The following MFSD11 variants were observed in gnomAD, a reference collection of about 807,000 sequenced individuals.
MFSD11 encodes the protein UNC93-like protein MFSD11.
A neutral mutation model predicts 53.5 loss-of-function variants in MFSD11; 36 were observed. That is an observed-to-expected ratio of 0.67 (90% CI 0.52 to 0.89). The LOEUF is 0.89. Ranked by LOEUF, MFSD11 falls within the 40% of genes least tolerant of loss-of-function variation. The probability of loss-of-function intolerance (pLI) is 0.00; values close to 1 mark genes in which losing one functional copy is unlikely to be tolerated. For synonymous variants in MFSD11, 186 were observed against 184.9 expected (o/e 1.01, Z -0.05); for missense variants, 530 against 543.9 (o/e 0.97, Z 0.25).
At chr17:76,760,048 A>G (rs2080059437) in intron 8 of MFSD11, among the ~76,000 whole-genome samples, 1 of 151,034 alleles carries the variant, frequency 6.6e-6, no homozygotes, top group South Asian at 2.1e-4. Context: ...CTGGCAGATC[A>G]CCTAAGGTCA....
downstream of MFSD11, among the ~76,000 whole-genome samples, chr17:76,779,903 A>C (rs994797430): frequency 2.0e-5 from 3 of 152,070 alleles, no homozygotes. Context: ...CAATGCAGAA[A>C]CCCCCAAACA....
At chr17:76,775,203 A>C in intron 11 of MFSD11, 32 bp downstream of exon 11, 1 of 1,605,260 alleles carries the variant, frequency 6.2e-7, no homozygotes, top group Non-Finnish European at 8.5e-7. Flanking sequence ...TAGTCGCTTG[A>C]GTACGGGTGG....
intron 8 of MFSD11, among the ~76,000 whole-genome samples, chr17:76,756,724 G>C (rs903624020): frequency 2.0e-5 from 3 of 152,092 alleles, no homozygotes; most frequent in Non-Finnish European, 4.4e-5. Flanking sequence ...GCCAGGCATG[G>C]TGGCGGATGC....
At chr17:76,770,855 C>T (rs990552011) in intron 10 of MFSD11, among the ~76,000 whole-genome samples, 2 of 152,212 alleles carry the variant, frequency 1.3e-5, no homozygotes, top group Non-Finnish European at 2.9e-5. Context: ...CTCACCACTC[C>T]AGAAGCTCCT....
chr17:76,792,487 G>A, the MFSD11 span, among the ~76,000 whole-genome samples: 31 of 149,254 alleles, frequency 2.1e-4, no homozygotes, highest in Admixed American at 2.1e-3. Context: ...CATGTTACAA[G>A]TAATTATCAA....
rs1199817834 is a variant in MFSD11 at position 76,738,424 on chromosome 17, C to T, written c.72C>T (p.Ala24=). The change falls in exon 1 of 13, where the codon GCC becomes GCT. Residue 24 remains alanine, a synonymous_variant. Coordinates refer to ENST00000685175, the MANE Select transcript of MFSD11 (RefSeq NM_001242532.5). ...TTGCCTTTATGTTTATGTTCACTGC[C>T]TTTCAAACTTGTGGAAATGTGGCGG... The part of the protein sequence containing the change: ...LGVAFMFMFT[A]FQTCGNVAQT... 3 of 1,613,896 alleles carry T rather than the reference C, an allele frequency of 1.9e-6. No homozygotes were observed. The highest frequency in any genetic ancestry group is 2.5e-6 in the Non-Finnish European group (3 of 1,179,764).
At chr17:76,777,881 G>C (rs1241031547) in intron 12 of MFSD11, among the ~76,000 whole-genome samples, 2 of 152,150 alleles carry the variant, frequency 1.3e-5, no homozygotes, top group African/African-American at 4.8e-5. Flanking sequence ...GTCTTGCTAT[G>C]TTGTGCAGGC....
At chr17:76,801,842 G>T in the MFSD11 span, among the ~76,000 whole-genome samples, 2 of 152,084 alleles carry the variant, frequency 1.3e-5, no homozygotes, top group Non-Finnish European at 2.9e-5. Context: ...CTTGTATCTT[G>T]TGATACCAGT....
downstream of MFSD11, among the ~76,000 whole-genome samples, chr17:76,783,271 G>A (rs2082216889): frequency 6.6e-6 from 1 of 152,066 alleles, no homozygotes; most frequent in African/African-American, 2.4e-5. Flanking sequence ...GCTGTAGCTG[G>A]GTCTCCCATG....
chr17:76,743,834 CA>C (rs1214306309), intron 6 of MFSD11, among the ~76,000 whole-genome samples: 1 of 152,152 alleles, frequency 6.6e-6, no homozygotes, highest in Non-Finnish European at 1.5e-5. Flanking sequence ...AGGCTGGTCT[CA>C]AACTCCTGAC....
At chr17:76,754,159 C>T (rs2079344763) in intron 8 of MFSD11, 72 bp downstream of exon 8, 1 of 1,320,522 alleles carries the variant, frequency 7.6e-7, no homozygotes, top group Middle Eastern at 1.8e-4. Context: ...CCCCTATTCC[C>T]TGGTAACTTT....
At position 76,771,275 on chromosome 17, in the gene MFSD11, C is replaced by T. The variant is rs1052134517; in HGVS notation, c.874+1404C>T. Among the ~76,000 whole-genome samples, 24 of 152,300 alleles carry T rather than the reference C, an allele frequency of 1.6e-4. 1 individual carries two copies. In the East Asian group the frequency reaches 3.1e-3, roughly 20 times the overall value. On this transcript the variant is annotated intron_variant, in intron 10 of 12. Coordinates refer to ENST00000685175, the MANE Select transcript of MFSD11 (RefSeq NM_001242532.5). The stretch of plus-strand genomic sequence containing the variant: ...TGGCTCTTTCTGAATAACTAATGTC[C>T]CTCGTATCACTGAGGAAATTCCAGG...
intron 12 of MFSD11, among the ~76,000 whole-genome samples, chr17:76,777,225 G>T (rs1245928383): frequency 6.8e-6 from 1 of 147,444 alleles, no homozygotes; most frequent in Non-Finnish European, 1.5e-5. Flanking sequence ...CCCAGACCGC[G>T]CCACTGCACT....
chr17:76,742,096 T>A, intron 4 of MFSD11, 48 bp downstream of exon 4: 3 of 1,614,046 alleles, frequency 1.9e-6, no homozygotes, highest in Non-Finnish European at 2.5e-6. Context: ...CTGGGGCCTA[T>A]CTAAGGGTAT....
In MFSD11 at chr17:76,776,794, C is replaced by G. The variant is rs1453788533; in HGVS notation, c.1185+253C>G. Among the ~76,000 whole-genome samples, 1 of 151,748 alleles carries G rather than the reference C, an allele frequency of 6.6e-6. No individual in the cohort carries two copies. The highest frequency in any genetic ancestry group is 2.1e-4 in the South Asian group (1 of 4,814). ...TAGCTGAGATTACAGGTGCACACCACCATGCCTGGCTAATTTTTGTATTTT... is the reference window on the plus strand; with the variant it reads ...TAGCTGAGATTACAGGTGCACACCAGCATGCCTGGCTAATTTTTGTATTTT... On this transcript the variant is annotated intron_variant, in intron 12 of 12. Coordinates refer to ENST00000685175, the MANE Select transcript of MFSD11 (RefSeq NM_001242532.5). This position sits in a 1 kb window ranked among gnomAD's most constrained non-coding sequence, Gnocchi z 4.2.
At chr17:76,738,510 A>C in intron 1 of MFSD11, 62 bp downstream of exon 1, 1 of 1,218,204 alleles carries the variant, frequency 8.2e-7, no homozygotes, top group Non-Finnish European at 1.2e-6. Flanking sequence ...CAGAAATGAA[A>C]ATAAACGTTC....
At chr17:76,794,057 C>T in the MFSD11 span, among the ~76,000 whole-genome samples, 1 of 151,282 alleles carries the variant, frequency 6.6e-6, no homozygotes, top group Admixed American at 6.6e-5. Context: ...ACTTTTAGCC[C>T]CAGGAGACCC....
chr17:76,789,666 A>G, the MFSD11 span, among the ~76,000 whole-genome samples: 1 of 149,896 alleles, frequency 6.7e-6, no homozygotes, highest in Non-Finnish European at 1.5e-5. Flanking sequence ...TGGTTGCCTG[A>G]CGACCTGATA....
upstream of MFSD11, chr17:76,737,667 C>T (rs143811883): frequency 8.3e-4 from 154 of 186,510 alleles, no homozygotes; most frequent in South Asian, 0.013. Flanking sequence ...GCCAATACTC[C>T]AAGTTCACGC....
Sources: allele counts gnomAD v4.1 joint callset (sites outside exome capture counted in the v4.1 genomes callset), GRCh38; gene constraint gnomAD v4.1.1; non-coding constraint Gnocchi (gnomAD v3.1); transcripts MANE v1.5; gene names NCBI Gene and HGNC (gene_info 2026-07-23, HGNC 2026-07-21).